FRMD5: variants seen among roughly 807,000 people sequenced by gnomAD.
FRMD5 encodes FERM domain-containing protein 5.
A neutral mutation model predicts 69.0 loss-of-function variants in FRMD5; 20 were observed. The observed-to-expected ratio is 0.29, with a 90% CI of 0.20 to 0.42. The LOEUF (loss-of-function observed/expected upper bound fraction) is 0.42. Ranked by LOEUF, FRMD5 falls within the 10% of genes least tolerant of loss-of-function variation. FRMD5 has a pLI of 1.00. For synonymous variants in FRMD5, 271 were observed against 260.1 expected (o/e 1.04, Z -0.40); for missense variants, 595 against 708.6 (o/e 0.84, Z 1.82).
At chr15:43,919,906 T>G in intron 2 of FRMD5, 97 bp from the exon 3 acceptor site, 1 of 1,145,842 alleles carries the variant, frequency 8.7e-7, no homozygotes, top group Non-Finnish European at 1.3e-6. Context: ...GATTGTAGCC[T>G]AGGGTGAAAG....
intron 4 of FRMD5, chr15:43,918,920 T>C (rs1342062867): frequency 5.3e-6 from 1 of 187,132 alleles, no homozygotes; most frequent in Non-Finnish European, 1.1e-5. Flanking sequence ...ACAGGATGCA[T>C]TCCACGCAGC....
chr15:43,943,008 G>A (rs1247283152), intron 1 of FRMD5, among the ~76,000 whole-genome samples: 2 of 152,192 alleles, frequency 1.3e-5, no homozygotes, highest in Non-Finnish European at 2.9e-5. Flanking sequence ...TTGGGAGGCC[G>A]AGGTGGGCAA....
intron 1 of FRMD5, among the ~76,000 whole-genome samples, chr15:44,013,338 C>T (rs1890810607): frequency 6.6e-6 from 1 of 152,080 alleles, no homozygotes; most frequent in Non-Finnish European, 1.5e-5. Flanking sequence ...GGTTAAGTCC[C>T]TAAGTTACAA....
chr15:44,034,049 T>A (rs1891803608), intron 1 of FRMD5, among the ~76,000 whole-genome samples: 1 of 152,168 alleles, frequency 6.6e-6, no homozygotes. Context: ...TCAGAAAGAC[T>A]CCAGGAGTCT....
chr15:44,014,285 TGG>T (rs1890856707), intron 1 of FRMD5, among the ~76,000 whole-genome samples: 1 of 152,118 alleles, frequency 6.6e-6, no homozygotes, highest in South Asian at 2.1e-4. Flanking sequence ...TATCTAAGGC[TGG>T]TATTCATCCA....
chr15:44,175,493 G>T (rs1051093481), intron 1 of FRMD5, among the ~76,000 whole-genome samples: 4 of 152,122 alleles, frequency 2.6e-5, no homozygotes. Flanking sequence ...AAAGTATCTA[G>T]AATTCTCATA....
intron 1 of FRMD5, among the ~76,000 whole-genome samples, chr15:44,162,889 A>AC (rs2077643658): frequency 7.7e-6 from 1 of 130,242 alleles, no homozygotes; most frequent in African/African-American, 2.9e-5. Flanking sequence ...AAAAAAAAAA[A>AC]CAAGGCTGGG....
chr15:44,109,669 G>A (rs759687573), intron 1 of FRMD5, among the ~76,000 whole-genome samples: 4 of 151,476 alleles, frequency 2.6e-5, no homozygotes, highest in African/African-American at 9.7e-5. Flanking sequence ...ATCACCCAAA[G>A]TCCATAGTTC....
At chr15:44,008,822 C>G (rs528002569) in intron 1 of FRMD5, among the ~76,000 whole-genome samples, 2 of 151,722 alleles carry the variant, frequency 1.3e-5, no homozygotes, top group Middle Eastern at 3.2e-3. Context: ...GTCAGAAGAT[C>G]GACACCATCC....
At chr15:43,894,889 T>C (rs929827679) in intron 7 of FRMD5, among the ~76,000 whole-genome samples, 1 of 152,200 alleles carries the variant, frequency 6.6e-6, no homozygotes, top group Non-Finnish European at 1.5e-5. Flanking sequence ...GAATGAGGGT[T>C]GATCGTGTTA....
chr15:43,965,652 G>A (rs1167293686), intron 1 of FRMD5, among the ~76,000 whole-genome samples: 1 of 131,614 alleles, frequency 7.6e-6, no homozygotes, highest in African/African-American at 2.9e-5. Context: ...CACAATCTCC[G>A]CTCACCACAA....
chr15:44,089,030 T>C (rs981604788), intron 1 of FRMD5, among the ~76,000 whole-genome samples: 3 of 152,208 alleles, frequency 2.0e-5, no homozygotes, highest in African/African-American at 7.2e-5. Flanking sequence ...AACTTTCATA[T>C]TTATTCTCTA....
chr15:44,104,813 A>T (rs1488855646), intron 1 of FRMD5, among the ~76,000 whole-genome samples: 1 of 152,194 alleles, frequency 6.6e-6, no homozygotes. Context: ...GTAATGACAC[A>T]TGACTGTAAC....
rs150089975 is a variant in FRMD5 at position 44,156,795 on chromosome 15, T to C, written c.102+38158A>G. 3.9e-3 allele frequency among the ~76,000 whole-genome samples: 600 copies of C among 152,262 alleles called. 5 individuals carry two copies. Among genetic ancestry groups the C allele is most frequent in the African/African-American group, 0.013 (561 of 41,560 alleles). On this transcript the variant is annotated intron_variant, in intron 1 of 13. Transcript: ENST00000417257. ...ACACATCAGGAATGTATCTTTTTAA[T>C]TGTCTCTTCTACTCTAGTACCAGCT... is the stretch of plus-strand genomic sequence containing the variant.
At chr15:44,069,767 T>C (rs1566930806) in intron 1 of FRMD5, among the ~76,000 whole-genome samples, 2 of 152,180 alleles carry the variant, frequency 1.3e-5, no homozygotes, top group Admixed American at 6.5e-5. Context: ...GACTATGATA[T>C]TGTGCTGCAG....
chr15:44,099,593 A>G (rs146385085), intron 1 of FRMD5, among the ~76,000 whole-genome samples: 1 of 152,162 alleles, frequency 6.6e-6, no homozygotes, highest in Non-Finnish European at 1.5e-5. Context: ...TTTGATTCAT[A>G]TCATTATTCT....
intron 7 of FRMD5, among the ~76,000 whole-genome samples, chr15:43,893,141 A>AC (rs1380099991): frequency 2.0e-5 from 3 of 152,048 alleles, no homozygotes; most frequent in African/African-American, 7.3e-5. Flanking sequence ...AAAAAAAAAA[A>AC]AACATTTTAT....
chr15:44,072,072 G>A (rs1007367076), intron 1 of FRMD5, among the ~76,000 whole-genome samples: 2 of 152,090 alleles, frequency 1.3e-5, no homozygotes, highest in Non-Finnish European at 2.9e-5. Context: ...CACCATGTTG[G>A]CCAGGCTGGT....
chr15:44,187,696 G>C (rs1396262987), intron 1 of FRMD5, among the ~76,000 whole-genome samples: 17 of 151,812 alleles, frequency 1.1e-4, no homozygotes, highest in South Asian at 2.1e-4. Context: ...GCCCCCTCAT[G>C]TAGCTAGGAC....
Sources: gnomAD v4.1 joint callset for allele counts (sites outside exome capture counted in the v4.1 genomes callset) on GRCh38, gnomAD v4.1.1 for gene constraint, MANE v1.5 for transcripts, NCBI Gene and HGNC (gene_info 2026-07-23, HGNC 2026-07-21) for gene names.